FHAD1: variants seen among roughly 807,000 people sequenced by gnomAD.
FHAD1 encodes forkhead associated phosphopeptide binding domain 1.
FHAD1 carries 146 observed loss-of-function variants against 191.3 expected under a neutral mutation model. That is an observed-to-expected ratio of 0.76 (90% CI 0.67 to 0.88). FHAD1 has a LOEUF of 0.88. FHAD1 is among the 40% of genes least tolerant of loss of function. The pLI, the probability that FHAD1 is intolerant of heterozygous loss-of-function variation, is 0.00. For missense variants in FHAD1, 1,635 were observed against 1,785.8 expected (o/e 0.92, Z 1.52); for synonymous variants, 616 against 672.3 (o/e 0.92, Z 1.29).
At chr1:15,250,930 G>A (rs1646691429) in intron 1 of FHAD1, among the ~76,000 whole-genome samples, 1 of 152,178 alleles carries the variant, frequency 6.6e-6, no homozygotes, top group Non-Finnish European at 1.5e-5. Flanking sequence ...ACTAATAAGA[G>A]TAGTACAAAT....
chr1:15,374,737 A>T lies in FHAD1; in HGVS notation c.3577+106A>T. 5.0e-6 allele frequency: 7 copies of T among 1,410,128 alleles called. No individual in the cohort carries two copies. In the South Asian group the frequency reaches 9.6e-5, roughly 19 times the overall value. 87.4% of individuals were successfully genotyped at this position (1,410,128 alleles called of 1,614,324 possible). On this transcript the variant is annotated intron_variant, in intron 27 of 33. Coordinates refer to ENST00000688493, the MANE Select transcript of FHAD1 (RefSeq NM_001391957.1). ...CCATGTTTTATCTGCATCATCCCAGAACTTGGAGGACATTGTAATACACAA... is the reference window on the plus strand; with the variant it reads ...CCATGTTTTATCTGCATCATCCCAGTACTTGGAGGACATTGTAATACACAA...
chr1:15,349,095 G>A lies in FHAD1; in HGVS notation c.2400G>A (p.Glu800=). The A allele has an allele frequency of 6.4e-7, 1 of 1,551,756 alleles. No individual in the cohort carries two copies. The highest frequency in any genetic ancestry group is 1.2e-5 in the South Asian group (1 of 84,062). ...HEKRKAKEAL[E]SEKRKVQDLE... ...AAAGAAAAGCAAAGGAAGCCTTGGA[G>A]TCGGAAAAGAGAAAAGTTCAGGATC... The change falls in exon 19 of 34, where the codon GAG becomes GAA. Residue 800 remains glutamate (E), a synonymous_variant. Transcript: ENST00000688493.
chr1:15,388,061 A>ACG lies in FHAD1; in HGVS notation c.4199_4200insCG (p.Glu1400AspfsTer6). The ACG allele has an allele frequency of 7.8e-7, 1 of 1,289,648 alleles. No individual in the cohort carries two copies. The highest frequency in any genetic ancestry group is 1.0e-6 in the Non-Finnish European group (1 of 988,608). The allele number at this position is 1,289,648 out of a possible 1,614,324, so 79.9% of individuals were successfully genotyped here. A position where few individuals can be genotyped will look rare whatever the true frequency, so the allele number is the denominator to read the frequency against. On this transcript the variant is annotated frameshift_variant, in exon 32 of 34. Transcript: ENST00000688493. LOFTEE classifies it high-confidence loss of function. ...ATACTTTTCACTCAGGAAAGTGTAG[A>ACG]GGAGCACGAACTGAGAAACGCAAAA...
chr1:15,324,612 C>G, intron 11 of FHAD1, 53 bp downstream of exon 11: 1 of 1,304,444 alleles, frequency 7.7e-7, no homozygotes, highest in Non-Finnish European at 1.1e-6. Context: ...AATGATTGCA[C>G]CCAAGCAGCC....
At chr1:15,317,727 A>T in intron 9 of FHAD1, 97 bp from the exon 10 acceptor site, 1 of 730,964 alleles carries the variant, frequency 1.4e-6, no homozygotes, top group Non-Finnish European at 2.3e-6. Flanking sequence ...ACCTTAATGG[A>T]TGGGATGCCA....
intron 1 of FHAD1, among the ~76,000 whole-genome samples, chr1:15,247,596 A>T (rs887695998): frequency 2.0e-5 from 3 of 151,448 alleles, no homozygotes; most frequent in Non-Finnish European, 2.9e-5. Flanking sequence ...CCGCCCGCGG[A>T]GGAAGCCCCC....
chr1:15,300,502 T>C (rs1344843672), intron 5 of FHAD1, among the ~76,000 whole-genome samples: 1 of 152,208 alleles, frequency 6.6e-6, no homozygotes, highest in Non-Finnish European at 1.5e-5. Flanking sequence ...CAGAATGTGG[T>C]TGAATAGAGT....
chr1:15,347,253 G>A (rs1023623342), intron 18 of FHAD1, among the ~76,000 whole-genome samples: 1 of 152,206 alleles, frequency 6.6e-6, no homozygotes, highest in Non-Finnish European at 1.5e-5. Context: ...GATGTCAACA[G>A]CAAAAGCCTG....
At position 15,360,504 on chromosome 1, in the gene FHAD1, G is replaced by A. The variant is rs1322354732; in HGVS notation, c.2763G>A (p.Leu921=). The A allele has an allele frequency of 3.9e-6, 6 of 1,551,556 alleles. No homozygotes were observed. The highest frequency in any genetic ancestry group is 5.2e-6 in the Non-Finnish European group (6 of 1,146,900). The change falls in exon 22 of 34, where the codon CTG becomes CTA. Residue 921 remains leucine (L), a synonymous_variant. Transcript: ENST00000688493. ...TCATGGTGGAAGAGCGGCTAATCCT[G>A]CAGCAGAAGATGGTAAAGGCCCTCC... ...KMIMVEERLI[L]QQKMVKALQD... is the part of the protein sequence containing the mutation.
rs1678129189 is a variant in FHAD1, at chr1:15,325,496, G to A, written c.1473+937G>A. On this transcript the variant is annotated intron_variant, in intron 11 of 33. Transcript: ENST00000688493. The surrounding 1 kb of genome is among the most constrained non-coding windows in gnomAD (Gnocchi z 4.6). ...TCTACCATCCAAGCCTTACCAGGCA[G>A]TGTGACCAGGCCTTTGTCCCTGTAC... The A allele has an allele frequency of 6.6e-6, 1 of 152,300 alleles. No individual in the cohort carries two copies. Among genetic ancestry groups the A allele is most frequent in the African/African-American group, 2.4e-5 (1 of 41,444 alleles). The allele number at this position is 152,300 out of a possible 1,614,324, so 9.4% of individuals were successfully genotyped here. A position where few individuals can be genotyped will look rare whatever the true frequency, so the allele number is the denominator to read the frequency against.
chr1:15,270,371 A>G (rs1655385858), intron 2 of FHAD1, among the ~76,000 whole-genome samples: 1 of 152,210 alleles, frequency 6.6e-6, no homozygotes, highest in African/African-American at 2.4e-5. Flanking sequence ...GAATCAGGCG[A>G]ACCTGAGTAC....
rs573503900 is a variant in FHAD1, at chr1:15,395,894, T to C, written c.4324-1403T>C. On this transcript the variant is annotated intron_variant, in intron 33 of 33. Transcript: ENST00000688493. Reference sequence around the variant, plus strand: ...AGTGTGGCCCAGGGAAGCCAAAAGTTTGGACACCCAGTTCTAAGCCATCAG... The same window carrying C: ...AGTGTGGCCCAGGGAAGCCAAAAGTCTGGACACCCAGTTCTAAGCCATCAG... Among the ~76,000 whole-genome samples, 12 of 152,300 alleles carry C rather than the reference T, an allele frequency of 7.9e-5. No individual in the cohort carries two copies. In the South Asian group the frequency reaches 1.9e-3, roughly 24 times the overall value.
At position 15,382,210 on chromosome 1, in the gene FHAD1, C is replaced by G. The variant is rs915698067; in HGVS notation, c.4188+17C>G. The G allele has an allele frequency of 1.9e-6, 3 of 1,548,608 alleles. No homozygotes were observed. The highest frequency in any genetic ancestry group is 2.6e-6 in the Non-Finnish European group (3 of 1,145,894). On this transcript the variant is annotated intron_variant, in intron 31 of 33. Transcript: ENST00000688493. ...CAGCAGAAGGTGAGGCGCTGCTGCC[C>G]AGGGCAGAACCTCCCAGGCTGCCCT... is the stretch of plus-strand genomic sequence containing the variant.
upstream of FHAD1, among the ~76,000 whole-genome samples, chr1:15,245,077 C>T (rs149327505): frequency 6.4e-3 from 980 of 152,234 alleles, 8 homozygotes; most frequent in Middle Eastern, 0.024. Context: ...ACAATCAGCT[C>T]TTTAGGAAAC....
chr1:15,320,449 T>C (rs1259303393), intron 10 of FHAD1, among the ~76,000 whole-genome samples: 1 of 152,266 alleles, frequency 6.6e-6, no homozygotes, highest in East Asian at 1.9e-4. Context: ...AGGCATATTG[T>C]TTGAAGATCC....
chr1:15,367,122 C>A (rs1696720558), intron 24 of FHAD1, among the ~76,000 whole-genome samples: 1 of 152,050 alleles, frequency 6.6e-6, no homozygotes, highest in Admixed American at 6.6e-5. Flanking sequence ...GATGTTGGGC[C>A]CAATTCTATA....
chr1:15,282,945 T>C (rs745725729), intron 3 of FHAD1, among the ~76,000 whole-genome samples: 5 of 152,234 alleles, frequency 3.3e-5, no homozygotes, highest in Non-Finnish European at 7.3e-5. Flanking sequence ...AAACCAGCAG[T>C]GTGAGACAGC....
intron 33 of FHAD1, among the ~76,000 whole-genome samples, chr1:15,391,469 A>C (rs1026230750): frequency 5.3e-5 from 8 of 152,188 alleles, no homozygotes; most frequent in African/African-American, 1.9e-4. Flanking sequence ...CTGGGATTAC[A>C]GGAGTGAGCC....
At chr1:15,267,216 AT>A (rs1036907930) in intron 2 of FHAD1, among the ~76,000 whole-genome samples, 1 of 152,008 alleles carries the variant, frequency 6.6e-6, no homozygotes, top group East Asian at 1.9e-4. Flanking sequence ...ATATCTCCCC[AT>A]TTTTTTTCTT....
Sources: gnomAD v4.1 joint callset for allele counts (sites outside exome capture counted in the v4.1 genomes callset) on GRCh38, gnomAD v4.1.1 for gene constraint, Gnocchi (gnomAD v3.1) non-coding constraint, MANE v1.5 for transcripts, NCBI Gene and HGNC (gene_info 2026-07-23, HGNC 2026-07-21) for gene names.